The following CDH8 variants were observed in gnomAD, a reference collection of about 807,000 sequenced individuals.
The protein encoded by CDH8 is cadherin 8, also known as cadherin-8.
CDH8 carries 17 observed loss-of-function variants against 68.1 expected under a neutral mutation model. The ratio of observed to expected loss-of-function variants is 0.25; its 90% CI spans 0.17 to 0.37. The LOEUF (loss-of-function observed/expected upper bound fraction) is 0.37, where lower values mean the gene tolerates loss of function less well. Ranked by LOEUF, CDH8 falls within the 10% of genes least tolerant of loss-of-function variation. The pLI, the probability that CDH8 is intolerant of heterozygous loss-of-function variation, is 1.00. For synonymous variants in CDH8, 372 were observed against 365.1 expected, an observed-to-expected ratio of 1.02 and a Z score of -0.21; for missense variants, 763 against 999.3, an observed-to-expected ratio of 0.76 and a Z score of 3.19.
intron 8 of CDH8, among the ~76,000 whole-genome samples, chr16:61,768,311 C>CTCTCTCTCTCTCTCT (rs1567461041): frequency 1.3e-3 from 21 of 16,398 alleles, no homozygotes; most frequent in Middle Eastern, 0.042. Context: ...TGTGTCTCTC[C>CTCTCTCTCTCTCTCT]CTTTCTCTCT....
intron 8 of CDH8, among the ~76,000 whole-genome samples, chr16:61,747,458 A>G (rs1007966031): frequency 6.6e-6 from 1 of 152,088 alleles, no homozygotes; most frequent in South Asian, 2.1e-4. Context: ...ATGTTAATGG[A>G]AAGTTAATAA....
chr16:61,917,968 C>CT (rs71390381), intron 2 of CDH8, among the ~76,000 whole-genome samples: 4,899 of 131,702 alleles, frequency 0.037, 135 homozygotes, highest in Non-Finnish European at 0.059. Context: ...AAGTTATTTG[C>CT]TTTTTTTTTT....
At chr16:61,885,116 C>T (rs947789040) in intron 3 of CDH8, among the ~76,000 whole-genome samples, 1 of 152,150 alleles carries the variant, frequency 6.6e-6, no homozygotes, top group Admixed American at 6.5e-5. Context: ...ATAAATAAAT[C>T]ATGCATTGTG....
At chr16:62,023,028 G>A (rs1902111132) in intron 1 of CDH8, among the ~76,000 whole-genome samples, 1 of 152,168 alleles carries the variant, frequency 6.6e-6, no homozygotes, top group Non-Finnish European at 1.5e-5. Context: ...AGAAAACGGA[G>A]TCCAGAACAA....
Position 61,789,477 on chromosome 16 carries a change from G to A in CDH8, c.1283C>T (p.Ser428Phe), listed in dbSNP as rs202205123. 1.4e-5 allele frequency: 23 copies of A among 1,612,210 alleles called. No homozygotes were observed. The highest frequency in any genetic ancestry group is 1.7e-5 in the Non-Finnish European group (20 of 1,179,000). The part of the protein sequence containing the change: ...PDITSSPIRF[S>F]IDRHTDLERQ... ...CTCCAGGTCAGTGTGCCGGTCGATG[G>A]AAAACCTACAAAACAGACACATCTG... is the stretch of plus-strand genomic sequence containing the variant. The change falls in exon 8 of 12, where the codon TCC becomes TTC. Residue 428 changes from serine to phenylalanine, a missense_variant. By Grantham distance (155) the Ser-to-Phe change is radical. This residue lies in a region of CDH8 where 366 missense variants were observed against 563.1 expected (regional missense o/e 0.65). Coordinates refer to ENST00000577390, the MANE Select transcript of CDH8 (RefSeq NM_001796.5).
chr16:61,841,538 G>A (rs780533457), intron 4 of CDH8, among the ~76,000 whole-genome samples: 2 of 152,134 alleles, frequency 1.3e-5, no homozygotes, highest in Non-Finnish European at 2.9e-5. Context: ...AGGGGCTGGG[G>A]AGGGAGTGGG....
At chr16:61,916,011 C>T (rs16964071) in intron 2 of CDH8, among the ~76,000 whole-genome samples, 45,735 of 152,076 alleles carry the variant, frequency 0.3, 7,194 homozygotes, top group African/African-American at 0.39. Flanking sequence ...TTAACAAATA[C>T]ACAGATAAAA....
chr16:61,837,662 C>T (rs1235840915), intron 4 of CDH8, among the ~76,000 whole-genome samples: 1 of 152,024 alleles, frequency 6.6e-6, no homozygotes, highest in Non-Finnish European at 1.5e-5. Flanking sequence ...CTTTCTGGTT[C>T]CAGCCTTTCC....
rs920114846 is a variant in CDH8, at chr16:61,649,548, A to G, written c.*4060T>C. 4 of 151,792 alleles carry G rather than the reference A, an allele frequency of 2.6e-5. No individual in the cohort carries two copies. Among genetic ancestry groups the G allele is most frequent in the African/African-American group, 9.7e-5 (4 of 41,344 alleles). The allele number at this position is 151,792 out of a possible 1,614,324, so 9.4% of individuals were successfully genotyped here. ...TGCCCGCTGTTACCTTATCTTTTTG[A>G]CTGACAATGATAGGATTTCAGTCAT... On this transcript the variant is annotated 3_prime_UTR_variant, in exon 12 of 12. Coordinates refer to ENST00000577390, the MANE Select transcript of CDH8 (RefSeq NM_001796.5).
chr16:61,707,745 T>C (rs1964559921), intron 10 of CDH8, among the ~76,000 whole-genome samples: 1 of 152,146 alleles, frequency 6.6e-6, no homozygotes, highest in South Asian at 2.1e-4. Context: ...CAACTACATT[T>C]AATATCTTTT....
intron 2 of CDH8, among the ~76,000 whole-genome samples, chr16:61,919,234 T>G (rs1475049608): frequency 2.1e-4 from 31 of 147,008 alleles, no homozygotes; most frequent in South Asian, 6.7e-4. Context: ...ACAGAAAAAC[T>G]GGAAACTCTA....
chr16:61,993,740 A>G (rs561288076), intron 2 of CDH8, among the ~76,000 whole-genome samples: 26 of 152,164 alleles, frequency 1.7e-4, no homozygotes, highest in African/African-American at 5.8e-4. Context: ...TCATTTGTCT[A>G]TACCCAAGGA....
At chr16:61,717,655 A>G (rs1964756588) in intron 9 of CDH8, among the ~76,000 whole-genome samples, 1 of 151,552 alleles carries the variant, frequency 6.6e-6, no homozygotes, top group Admixed American at 6.6e-5. Flanking sequence ...GCATAGCTGT[A>G]TCACAGGATC....
rs540418466 is a variant in CDH8 at position 61,653,754 on chromosome 16, G to C, written c.2254C>G (p.Arg752Gly). 6.2e-7 allele frequency: 1 copy of C among 1,614,104 alleles called. No homozygotes were observed. The highest frequency in any genetic ancestry group is 1.1e-5 in the South Asian group (1 of 91,088). The change falls in exon 12 of 12, where the codon CGA (arginine) becomes GGA (glycine). Residue 752 changes from arginine (R) to glycine (G), a missense_variant. This residue lies in a region of CDH8 where 397 missense variants were observed against 436.2 expected (regional missense o/e 0.91). Coordinates refer to ENST00000577390, the MANE Select transcript of CDH8 (RefSeq NM_001796.5). ...CTGAGGGAGCCAGCCACTGACCCTC[G>C]GCCTTCATAGCCATATATCTGAATG... Reference protein sequence around the residue: ...DSIQIYGYEGRGSVAGSLSSL... With the variant: ...DSIQIYGYEGGGSVAGSLSSL...
At chr16:61,873,978 C>T (rs184581635) in intron 3 of CDH8, among the ~76,000 whole-genome samples, 140 of 152,146 alleles carry the variant, frequency 9.2e-4, no homozygotes, top group Non-Finnish European at 1.5e-3. Flanking sequence ...ATTGCTTGAA[C>T]CTGGGAGGCG....
chr16:61,729,798 G>C (rs1959483248), intron 8 of CDH8, among the ~76,000 whole-genome samples: 1 of 151,340 alleles, frequency 6.6e-6, no homozygotes, highest in Admixed American at 6.6e-5. Flanking sequence ...GTGAATAATA[G>C]GGGCACAGTC....
chr16:61,945,052 T>C (rs2143558840), intron 2 of CDH8, among the ~76,000 whole-genome samples: 1 of 152,292 alleles, frequency 6.6e-6, no homozygotes, highest in Middle Eastern at 3.4e-3. Flanking sequence ...TTGCCCATTA[T>C]AGTCAGGGCC....
chr16:61,678,523 T>C (rs570564871), intron 10 of CDH8, among the ~76,000 whole-genome samples: 37 of 149,808 alleles, frequency 2.5e-4, no homozygotes, highest in Non-Finnish European at 2.8e-4. Flanking sequence ...AAAGCACATG[T>C]TAATACCTTC....
intron 3 of CDH8, among the ~76,000 whole-genome samples, chr16:61,896,162 A>G (rs183261907): frequency 3.3e-4 from 51 of 152,336 alleles, no homozygotes; most frequent in African/African-American, 1.2e-3. Flanking sequence ...CAGCAACGCT[A>G]GTTTGGGATC....
Sources: allele counts gnomAD v4.1 joint callset (sites outside exome capture counted in the v4.1 genomes callset), GRCh38; gene constraint gnomAD v4.1.1; regional missense constraint gnomAD v4.1.1; transcripts MANE v1.5; gene names NCBI Gene and HGNC (gene_info 2026-07-23, HGNC 2026-07-21).